The following MAP3K13 variants were observed in gnomAD, a reference collection of about 807,000 sequenced individuals.
The protein encoded by MAP3K13 is leucine zipper-bearing kinase.
Under a neutral mutation model 104.0 loss-of-function variants are expected in MAP3K13, and 52 were observed. The observed-to-expected ratio is 0.50, with a 90% CI of 0.40 to 0.63. MAP3K13 has a LOEUF of 0.63. Among genes scored for constraint, MAP3K13 ranks in the 20% least tolerant of loss-of-function variants. The pLI, the probability that MAP3K13 is intolerant of heterozygous loss-of-function variation, is 0.00. For missense variants in MAP3K13, 914 were observed against 1,218.5 expected (o/e 0.75, Z 3.72); for synonymous variants, 394 against 442.2 (o/e 0.89, Z 1.37).
At chr3:185,472,689 C>T (rs1296101013) in intron 10 of MAP3K13, among the ~76,000 whole-genome samples, 1 of 152,124 alleles carries the variant, frequency 6.6e-6, no homozygotes, top group South Asian at 2.1e-4. Context: ...GGGCTCTTTT[C>T]AAAGCGATTG....
At chr3:185,324,053 C>T (rs1302388837) in intron 2 of MAP3K13, among the ~76,000 whole-genome samples, 1 of 152,096 alleles carries the variant, frequency 6.6e-6, no homozygotes, top group East Asian at 1.9e-4. Flanking sequence ...CTCTGTCGCC[C>T]AGGCTAGAGT....
intron 1 of MAP3K13, among the ~76,000 whole-genome samples, chr3:185,386,848 G>A (rs1310394752): frequency 1.3e-5 from 2 of 152,162 alleles, no homozygotes; most frequent in African/African-American, 4.8e-5. Flanking sequence ...GGAACTAAAT[G>A]ATGAGAACAC....
At chr3:185,349,083 A>G (rs901017689) in intron 2 of MAP3K13, among the ~76,000 whole-genome samples, 6 of 152,108 alleles carry the variant, frequency 3.9e-5, no homozygotes, top group African/African-American at 1.4e-4. Flanking sequence ...CAGCAGCTGT[A>G]AGCATATGGT....
chr3:185,378,805 C>T (rs1360686476), intron 1 of MAP3K13, among the ~76,000 whole-genome samples: 1 of 152,090 alleles, frequency 6.6e-6, no homozygotes, highest in Non-Finnish European at 1.5e-5. Context: ...ACCATTTGCC[C>T]ATTTTTTGAC....
Position 185,465,775 on chromosome 3 carries a change from G to C in MAP3K13, c.1417G>C (p.Glu473Gln). 2 of 1,614,002 alleles carry C rather than the reference G, an allele frequency of 1.2e-6. No individual in the cohort carries two copies. Among genetic ancestry groups the C allele is most frequent in the Non-Finnish European group, 1.7e-6 (2 of 1,179,898 alleles). Reference sequence around the variant, plus strand: ...TGCGCTGGATATTCGTGAACACTATGAGCGGAAGCTTGAGCGGGCGAATAA... The same window carrying C: ...TGCGCTGGATATTCGTGAACACTATCAGCGGAAGCTTGAGCGGGCGAATAA... ...RHALDIREHYERKLERANNLY... is the reference protein window; with the variant it reads ...RHALDIREHYQRKLERANNLY... The change falls in exon 9 of 14, where the codon GAG becomes CAG. Residue 473 changes from glutamate to glutamine, a missense_variant. Around this residue, in one of 3 missense-constraint regions of MAP3K13, gnomAD observed 583 missense variants for 737.4 expected, o/e 0.79. Transcript: ENST00000265026.
chr3:185,432,859 C>T (rs1479895328), intron 2 of MAP3K13, among the ~76,000 whole-genome samples: 1 of 152,194 alleles, frequency 6.6e-6, no homozygotes, highest in Non-Finnish European at 1.5e-5. Flanking sequence ...CAGCAGGTGC[C>T]TGGCCTTTCA....
At chr3:185,457,158 C>T (rs1464107187) in intron 7 of MAP3K13, among the ~76,000 whole-genome samples, 3 of 152,108 alleles carry the variant, frequency 2.0e-5, no homozygotes, top group Non-Finnish European at 2.9e-5. Context: ...TCACCTGAAC[C>T]GCTCCCAGAT....
rs766385717 is a variant in MAP3K13 at position 185,482,024 on chromosome 3, C to T, written c.2800-331C>T. On this transcript the variant is annotated intron_variant, in intron 13 of 13. Transcript: ENST00000265026. The surrounding 1 kb of genome is among the most constrained non-coding windows in gnomAD (Gnocchi z 4.5). Reference sequence around the variant, plus strand: ...GCTTGAATCCGGGAGGCGGAGGTTGCAGCGAGCCAAGATCGTGCCACTGCA... The same window carrying T: ...GCTTGAATCCGGGAGGCGGAGGTTGTAGCGAGCCAAGATCGTGCCACTGCA... 6.6e-6 allele frequency among the ~76,000 whole-genome samples: 1 copy of T among 152,230 alleles called. No homozygotes were observed. The highest frequency in any genetic ancestry group is 2.4e-5 in the African/African-American group (1 of 41,464).
intron 7 of MAP3K13, among the ~76,000 whole-genome samples, chr3:185,456,870 C>T (rs772004073): frequency 2.7e-4 from 41 of 152,158 alleles, no homozygotes; most frequent in Middle Eastern, 3.4e-3. Context: ...CAACGTGCTG[C>T]GGTTACAGGT....
Position 185,320,017 on chromosome 3 carries a change from C to G in MAP3K13, c.-86+34374C>G, listed in dbSNP as rs566475862. On this transcript the variant is annotated intron_variant, in intron 2 of 14. Transcript: ENST00000424227. ...TTGCATTGGCTTTTTGTTTCTTAGCCTCAGGGACTGTTTTCAGATAATGTA... is the reference window on the plus strand; with the variant it reads ...TTGCATTGGCTTTTTGTTTCTTAGCGTCAGGGACTGTTTTCAGATAATGTA... 3.3e-5 allele frequency among the ~76,000 whole-genome samples: 5 copies of G among 151,968 alleles called. No individual in the cohort carries two copies. In the South Asian group the frequency reaches 1.0e-3, roughly 32 times the overall value.
chr3:185,363,897 A>G (rs186293796), intron 1 of MAP3K13, among the ~76,000 whole-genome samples: 5 of 152,348 alleles, frequency 3.3e-5, no homozygotes, highest in Admixed American at 2.6e-4. Flanking sequence ...ACCATTTTTC[A>G]AAAGCTCTTA....
chr3:185,341,227 A>G (rs1722711077), intron 2 of MAP3K13, among the ~76,000 whole-genome samples: 1 of 152,198 alleles, frequency 6.6e-6, no homozygotes, highest in Admixed American at 6.5e-5. Context: ...CTCTAAATCC[A>G]ACAACTGGTA....
At position 185,455,543 on chromosome 3, in the gene MAP3K13, A is replaced by ATATATATGACATATATATCATATATAT. The variant is rs1491361772; in HGVS notation, c.1278+4148_1278+4149insTATATATGACATATATATCATATATAT. 8.1e-4 allele frequency among the ~76,000 whole-genome samples: 6 copies of ATATATATGACATATATATCATATATAT among 7,448 alleles called. 1 individual carries two copies. The South Asian group carries it at 0.012, about 15-fold the overall frequency. The allele number at this position is 7,448 out of a possible 152,430, so 4.9% of individuals were successfully genotyped here. ...ATATGATATATATGAGATATATATG[A>ATATATATGACATATATATCATATATAT]CATATATATGATATATATGAGATAT... On this transcript the variant is annotated intron_variant, in intron 7 of 13. Transcript: ENST00000265026.
intron 1 of MAP3K13, among the ~76,000 whole-genome samples, chr3:185,388,880 C>T (rs1243452889): frequency 6.6e-6 from 1 of 152,112 alleles, no homozygotes; most frequent in Admixed American, 6.6e-5. Context: ...AAATTCATTT[C>T]TCAAATTTTC....
chr3:185,396,902 T>A (rs1289595232), intron 1 of MAP3K13, among the ~76,000 whole-genome samples: 1 of 152,240 alleles, frequency 6.6e-6, no homozygotes, highest in East Asian at 1.9e-4. Context: ...CCCAGCAACC[T>A]AACCCAAGGT....
At chr3:185,380,122 G>T (rs1253040376) in intron 1 of MAP3K13, among the ~76,000 whole-genome samples, 1 of 152,002 alleles carries the variant, frequency 6.6e-6, no homozygotes, top group African/African-American at 2.4e-5. Flanking sequence ...GGAGGCAGAG[G>T]TTGCAGTGAG....
At chr3:185,446,249 C>G (rs188335296) in intron 4 of MAP3K13, among the ~76,000 whole-genome samples, 98 of 151,668 alleles carry the variant, frequency 6.5e-4, no homozygotes, top group African/African-American at 2.3e-3. Flanking sequence ...GAGGATGAAG[C>G]CTCTTATCAT....
chr3:185,338,802 A>G (rs1188164340), intron 2 of MAP3K13, among the ~76,000 whole-genome samples: 1 of 152,188 alleles, frequency 6.6e-6, no homozygotes, highest in Non-Finnish European at 1.5e-5. Flanking sequence ...GAATCCACAT[A>G]TAAGTTAAAA....
In MAP3K13 at chr3:185,307,654, C is replaced by T. The variant is rs1045974869; in HGVS notation, c.-86+22011C>T. ...CGCCTCCCAGGTTAAAGCAATTCTC[C>T]TGCCTCTGCTGCCCAAGTAGCTGGG... On this transcript the variant is annotated intron_variant, in intron 2 of 14. Coordinates refer to the MAP3K13 transcript ENST00000424227. Among the ~76,000 whole-genome samples the T allele has an allele frequency of 5.3e-4, 78 of 146,358 alleles. No homozygotes were observed. In the Middle Eastern group the frequency reaches 0.014, roughly 27 times the overall value.
Sources: allele counts gnomAD v4.1 joint callset (sites outside exome capture counted in the v4.1 genomes callset), GRCh38; gene constraint gnomAD v4.1.1; regional missense constraint gnomAD v4.1.1; non-coding constraint Gnocchi (gnomAD v3.1); transcripts MANE v1.5; gene names NCBI Gene and HGNC (gene_info 2026-07-23, HGNC 2026-07-21).